The following COL22A1 variants were observed in gnomAD, a reference collection of about 807,000 sequenced individuals.
COL22A1 encodes collagen alpha-1(XXII) chain.
A neutral mutation model predicts 248.9 loss-of-function variants in COL22A1; 221 were observed. The observed-to-expected ratio is 0.89, with a 90% confidence interval of 0.80 to 0.99. The LOEUF (loss-of-function observed/expected upper bound fraction) is 0.99, where lower values mean the gene tolerates loss of function less well. Among genes scored for constraint, COL22A1 ranks in the 50% least tolerant of loss-of-function variants. The pLI, the probability that COL22A1 is intolerant of heterozygous loss-of-function variation, is 0.00. For synonymous variants in COL22A1, 891 were observed against 793.4 expected (o/e 1.12, Z -2.07); for missense variants, 2,240 against 2,179.0 (o/e 1.03, Z -0.56).
intron 8 of COL22A1, among the ~76,000 whole-genome samples, chr8:138,812,506 C>A (rs1339535389): frequency 2.6e-5 from 4 of 152,158 alleles, no homozygotes; most frequent in Non-Finnish European, 5.9e-5. Flanking sequence ...GAGAACAGAG[C>A]AGAGCCTGCA....
intron 18 of COL22A1, among the ~76,000 whole-genome samples, chr8:138,756,237 C>T (rs912832452): frequency 6.6e-6 from 1 of 152,158 alleles, no homozygotes; most frequent in African/African-American, 2.4e-5. Context: ...TCTCTTATGC[C>T]AGGTTCATAG....
At chr8:138,713,112 G>A (rs1829139592) in intron 30 of COL22A1, among the ~76,000 whole-genome samples, 1 of 152,180 alleles carries the variant, frequency 6.6e-6, no homozygotes, top group South Asian at 2.1e-4. Context: ...CTGTAAGCCT[G>A]GGCAGAAAAC....
intron 3 of COL22A1, among the ~76,000 whole-genome samples, chr8:138,845,651 G>A (rs1002814036): frequency 1.5e-4 from 23 of 152,074 alleles, no homozygotes; most frequent in African/African-American, 4.3e-4. Flanking sequence ...CTACACTCCC[G>A]CCTACCCTCT....
At chr8:138,883,699 G>A (rs1824421560) in intron 1 of COL22A1, among the ~76,000 whole-genome samples, 2 of 152,028 alleles carry the variant, frequency 1.3e-5, no homozygotes, top group African/African-American at 4.8e-5. Flanking sequence ...TATAATGGTA[G>A]TTCTTCCTGC....
chr8:138,912,253 G>T (rs941982905), intron 1 of COL22A1, among the ~76,000 whole-genome samples: 10 of 152,192 alleles, frequency 6.6e-5, no homozygotes, highest in Admixed American at 2.6e-4. Flanking sequence ...ACTGCAACTT[G>T]CATGCAGCTG....
intron 3 of COL22A1, among the ~76,000 whole-genome samples, chr8:138,865,121 G>T (rs894680344): frequency 1.3e-5 from 2 of 152,168 alleles, no homozygotes; most frequent in African/African-American, 4.8e-5. Flanking sequence ...TCCAGAATAT[G>T]GAAGCAGATA....
At chr8:138,822,340 G>A (rs1422138268) in intron 6 of COL22A1, among the ~76,000 whole-genome samples, 1 of 152,116 alleles carries the variant, frequency 6.6e-6, no homozygotes, top group African/African-American at 2.4e-5. Flanking sequence ...GTGAGCCACC[G>A]TGCTCAGCCT....
At position 138,612,793 on chromosome 8, in the gene COL22A1, CG is replaced by C. The variant is rs535098023; in HGVS notation, c.3978+1073del. ...AATAAAAAAATAAAAAAATAATCAG[CG>C]GCGTGGTGGCACGCACCTGTAATCC... On this transcript the variant is annotated intron_variant, in intron 56 of 64. Transcript: ENST00000303045. Among the ~76,000 whole-genome samples the C allele has an allele frequency of 9.9e-5, 15 of 151,808 alleles. No homozygotes were observed. In the South Asian group the frequency reaches 3.1e-3, roughly 32 times the overall value.
chr8:138,621,729 C>T (rs1014983357), intron 52 of COL22A1, among the ~76,000 whole-genome samples: 2 of 152,164 alleles, frequency 1.3e-5, no homozygotes, highest in Non-Finnish European at 2.9e-5. Flanking sequence ...GTACCCACAG[C>T]CCATAAGGTT....
intron 22 of COL22A1, among the ~76,000 whole-genome samples, chr8:138,743,125 T>TGTGATG (rs1446267928): frequency 3.9e-5 from 4 of 102,192 alleles, no homozygotes; most frequent in African/African-American, 1.2e-4. Context: ...TGGTAGTGAT[T>TGTGATG]GTGATGGTGA....
intron 41 of COL22A1, among the ~76,000 whole-genome samples, chr8:138,669,757 C>T (rs890334898): frequency 2.0e-5 from 3 of 152,068 alleles, no homozygotes; most frequent in East Asian, 1.9e-4. Context: ...GTTAAGTGTA[C>T]CTTAGGAATT....
At chr8:138,861,927 G>A (rs764331909) in intron 3 of COL22A1, among the ~76,000 whole-genome samples, 6 of 148,542 alleles carry the variant, frequency 4.0e-5, no homozygotes, top group African/African-American at 9.9e-5. Context: ...AGTGGTTCAC[G>A]CCTGGAATCC....
At chr8:138,664,204 C>A (rs575595439) in intron 41 of COL22A1, among the ~76,000 whole-genome samples, 1 of 90,950 alleles carries the variant, frequency 1.1e-5, no homozygotes, top group African/African-American at 3.9e-5. Context: ...TGCGCGCGCG[C>A]GCGCGCACAC....
chr8:138,855,089 A>G (rs75461529), intron 3 of COL22A1, among the ~76,000 whole-genome samples: 7,967 of 152,238 alleles, frequency 0.052, 241 homozygotes, highest in African/African-American at 0.076. Flanking sequence ...AGCTTCCTCA[A>G]TTATAAAATA....
intron 12 of COL22A1, among the ~76,000 whole-genome samples, chr8:138,790,487 G>T (rs546243179): frequency 5.4e-4 from 82 of 152,338 alleles, no homozygotes; most frequent in Non-Finnish European, 1.1e-3. Context: ...CACTCTGGGA[G>T]AGAGGCTCCA....
rs549252608 is a variant in COL22A1, at chr8:138,685,105, C to T, written c.2967+103G>A. 1.5e-3 allele frequency: 1,211 copies of T among 830,392 alleles called. 14 individuals carry two copies. The African/African-American group carries it at 0.018, about 12-fold the overall frequency. 51.4% of individuals were successfully genotyped at this position (830,392 alleles called of 1,614,324 possible). On this transcript the variant is annotated intron_variant, in intron 38 of 64. Coordinates refer to ENST00000303045, the MANE Select transcript of COL22A1 (RefSeq NM_152888.3). ...CCAACCAGGCCCATTTCATTGGCCACGGTTCAATTTCTGCAAAGTTTGGCA... is the reference window on the plus strand; with the variant it reads ...CCAACCAGGCCCATTTCATTGGCCATGGTTCAATTTCTGCAAAGTTTGGCA...
intron 3 of COL22A1, among the ~76,000 whole-genome samples, chr8:138,861,114 A>G (rs1030306916): frequency 1.3e-5 from 2 of 152,072 alleles, no homozygotes; most frequent in Admixed American, 6.5e-5. Context: ...CTGGTTTGCC[A>G]ACTCCTCACA....
intron 16 of COL22A1, among the ~76,000 whole-genome samples, chr8:138,765,349 A>C (rs1049517452): frequency 3.9e-5 from 6 of 152,148 alleles, no homozygotes; most frequent in Non-Finnish European, 7.4e-5. Flanking sequence ...CTAGATGAGG[A>C]AACTGGGAGC....
At chr8:138,825,214 C>T (rs2131778746) in intron 6 of COL22A1, among the ~76,000 whole-genome samples, 1 of 152,342 alleles carries the variant, frequency 6.6e-6, no homozygotes, top group African/African-American at 2.4e-5. Context: ...CTCCTCCATT[C>T]AGCCTTCCAC....
Sources: allele counts gnomAD v4.1 joint callset (sites outside exome capture counted in the v4.1 genomes callset), GRCh38; gene constraint gnomAD v4.1.1; transcripts MANE v1.5; gene names NCBI Gene and HGNC (gene_info 2026-07-23, HGNC 2026-07-21).